The following ESRRB variants were observed in gnomAD, a reference collection of about 807,000 sequenced individuals.
The protein encoded by ESRRB is estrogen related receptor beta.
ESRRB carries 16 observed loss-of-function variants against 46.0 expected under a neutral mutation model. That is an observed-to-expected ratio of 0.35 (90% CI 0.24 to 0.53). The LOEUF (loss-of-function observed/expected upper bound fraction) is 0.53. Ranked by LOEUF, ESRRB falls within the 20% of genes least tolerant of loss-of-function variation. ESRRB has a pLI of 0.93. For synonymous variants in ESRRB, 246 were observed against 259.6 expected (o/e 0.95, Z 0.50); for missense variants, 488 against 607.4 (o/e 0.80, Z 2.07).
chr14:76,333,524 C>T (rs1029125575), intron 1 of ESRRB, among the ~76,000 whole-genome samples: 5 of 138,676 alleles, frequency 3.6e-5, no homozygotes, highest in Non-Finnish European at 7.5e-5. Flanking sequence ...GACAAAGTTT[C>T]GCTGTGTTGC....
intron 1 of ESRRB, among the ~76,000 whole-genome samples, chr14:76,339,495 C>T (rs1389486749): frequency 2.0e-5 from 3 of 152,182 alleles, no homozygotes; most frequent in East Asian, 1.9e-4. Flanking sequence ...TTCCGGGCTC[C>T]ACCTCAGATG....
In ESRRB at chr14:76,321,990, G is replaced by A. The variant is rs370789539; in HGVS notation, c.2+11074G>A. 3.3e-5 allele frequency among the ~76,000 whole-genome samples: 5 copies of A among 152,148 alleles called. No individual in the cohort carries two copies. In the East Asian group the frequency reaches 9.6e-4, roughly 29 times the overall value. Reference sequence around the variant, plus strand: ...CACCCAGGCAGCAAATAGTACCATAGAATGTCACCTTCTACAATAGGCAAC... The same window carrying A: ...CACCCAGGCAGCAAATAGTACCATAAAATGTCACCTTCTACAATAGGCAAC... On this transcript the variant is annotated intron_variant, in intron 1 of 6. Transcript: ENST00000512784.
chr14:76,373,476 T>C (rs907650340), upstream of ESRRB, among the ~76,000 whole-genome samples: 1 of 152,080 alleles, frequency 6.6e-6, no homozygotes, highest in Non-Finnish European at 1.5e-5. Context: ...AGCCTAACCC[T>C]GGCTTTGGGA....
chr14:76,452,649 A>AAAAACAAAAC (rs1888441217), intron 2 of ESRRB, among the ~76,000 whole-genome samples: 2 of 88,414 alleles, frequency 2.3e-5, no homozygotes, highest in South Asian at 5.9e-4. Context: ...AAAACAAAAC[A>AAAAACAAAAC]AAACAAAAAA....
At chr14:76,382,621 A>C (rs1885060755) in intron 1 of ESRRB, among the ~76,000 whole-genome samples, 1 of 152,212 alleles carries the variant, frequency 6.6e-6, no homozygotes, top group Non-Finnish European at 1.5e-5. Context: ...AATCAAGGAA[A>C]ATCATACTGG....
At chr14:76,322,827 G>T (rs1336811699) in intron 1 of ESRRB, among the ~76,000 whole-genome samples, 2 of 152,122 alleles carry the variant, frequency 1.3e-5, no homozygotes, top group Non-Finnish European at 2.9e-5. Context: ...TTATCTCCAC[G>T]CAATCCGCCC....
At chr14:76,438,617 T>C (rs1259050910) in intron 1 of ESRRB, among the ~76,000 whole-genome samples, 2 of 151,794 alleles carry the variant, frequency 1.3e-5, no homozygotes, top group African/African-American at 4.8e-5. Flanking sequence ...TAAGCCGAGA[T>C]TGGGCCATTG....
chr14:76,434,304 C>G (rs1046890078), intron 1 of ESRRB, among the ~76,000 whole-genome samples: 1 of 152,162 alleles, frequency 6.6e-6, no homozygotes, highest in Admixed American at 6.5e-5. Context: ...AGCACTGTGC[C>G]TCTCTCCCCC....
intron 1 of ESRRB, among the ~76,000 whole-genome samples, chr14:76,377,140 G>A (rs1884803916): frequency 6.6e-6 from 1 of 152,212 alleles, no homozygotes; most frequent in Non-Finnish European, 1.5e-5. Flanking sequence ...GCTCCGAGGC[G>A]GCTTTGCGCT....
chr14:76,421,746 C>G (rs1168525420), intron 1 of ESRRB, among the ~76,000 whole-genome samples: 1 of 152,202 alleles, frequency 6.6e-6, no homozygotes, highest in Non-Finnish European at 1.5e-5. Flanking sequence ...GCCGGAATTC[C>G]TGCCTGCCAC....
At chr14:76,383,987 C>G (rs756449886) in intron 1 of ESRRB, among the ~76,000 whole-genome samples, 1 of 152,066 alleles carries the variant, frequency 6.6e-6, no homozygotes, top group Admixed American at 6.6e-5. Context: ...ATTTTTAAAT[C>G]CCTCCCCTCA....
chr14:76,327,311 G>A (rs72729695), intron 1 of ESRRB, among the ~76,000 whole-genome samples: 11,966 of 152,266 alleles, frequency 0.079, 632 homozygotes, highest in East Asian at 0.26. Context: ...TCTCTGACAC[G>A]CCTGGAAACT....
In ESRRB at chr14:76,461,906, C is replaced by T. The variant is rs147051777; in HGVS notation, c.461-639C>T. On this transcript the variant is annotated intron_variant, in intron 2 of 6. Coordinates refer to ENST00000644823, the MANE Select transcript of ESRRB (RefSeq NM_001379180.1). ...AACTCTGCTCATAAAATGACCCCCT[C>T]GCATTGAATAGTGTTTAAAGCAGTT... Among the ~76,000 whole-genome samples, 492 of 152,308 alleles carry T rather than the reference C, an allele frequency of 3.2e-3. 4 individuals are homozygous for T. Among genetic ancestry groups the T allele is most frequent in the African/African-American group, 0.011 (453 of 41,564 alleles).
At position 76,500,144 on chromosome 14, in the gene ESRRB, T is replaced by G. The variant is rs1398973609; in HGVS notation, c.*1686T>G. ...ACCCCAGGAACCTCCCGGCCTGGGC[T>G]TCTGGGCTGGGACGTGCTGAGGTCA... is the stretch of plus-strand genomic sequence containing the variant. On this transcript the variant is annotated 3_prime_UTR_variant, in exon 7 of 7. Transcript: ENST00000644823. 7.7e-7 allele frequency: 1 copy of G among 1,304,650 alleles called. No individual in the cohort carries two copies. Among genetic ancestry groups the G allele is most frequent in the African/African-American group, 1.5e-5 (1 of 67,876 alleles). The allele number at this position is 1,304,650 out of a possible 1,614,324, so 80.8% of individuals were successfully genotyped here. A position where few individuals can be genotyped will look rare whatever the true frequency, so the allele number is the denominator to read the frequency against.
chr14:76,346,795 G>A (rs763253299), intron 1 of ESRRB, among the ~76,000 whole-genome samples: 12 of 152,202 alleles, frequency 7.9e-5, no homozygotes, highest in African/African-American at 2.7e-4. Flanking sequence ...GTGTGCCCAG[G>A]ATCCACCAGG....
In ESRRB at chr14:76,323,717, G is replaced by T. The variant is rs1316559476; in HGVS notation, c.2+12801G>T. On this transcript the variant is annotated intron_variant, in intron 1 of 6. Coordinates refer to the ESRRB transcript ENST00000512784. ...GATAGAGGCCCCTGGGTTCTCAGCT[G>T]CAGGGTGACAGCATATTAGGGTGAA... Among the ~76,000 whole-genome samples the T allele has an allele frequency of 3.9e-5, 6 of 152,218 alleles. 1 individual carries two copies. Among genetic ancestry groups the T allele is most frequent in the Non-Finnish European group, 8.8e-5 (6 of 68,034 alleles).
intron 1 of ESRRB, among the ~76,000 whole-genome samples, chr14:76,314,745 G>A (rs1394185148): frequency 6.6e-6 from 1 of 152,184 alleles, no homozygotes; most frequent in East Asian, 1.9e-4. Context: ...GTCGAGCAAT[G>A]TCAAGGCCAA....
chr14:76,322,145 C>T lies in ESRRB; in HGVS notation c.2+11229C>T, dbSNP rs114375367. On this transcript the variant is annotated intron_variant, in intron 1 of 6. Coordinates refer to the ESRRB transcript ENST00000512784. The stretch of plus-strand genomic sequence containing the variant: ...TTCTTTAAAAAGGTTTGAGAGTCCC[C>T]CTTCACAGACCCATGTGAAAGAGAG... 9.2e-3 allele frequency among the ~76,000 whole-genome samples: 1,395 copies of T among 152,244 alleles called. 22 individuals carry two copies. The highest frequency in any genetic ancestry group is 0.032 in the African/African-American group (1,325 of 41,526).
intron 1 of ESRRB, among the ~76,000 whole-genome samples, chr14:76,438,133 AG>A (rs1887754041): frequency 6.6e-6 from 1 of 151,960 alleles, no homozygotes; most frequent in South Asian, 2.1e-4. Context: ...TGAGAGAGGG[AG>A]GGTTTGGGAG....
Sources: gnomAD v4.1 joint callset for allele counts (sites outside exome capture counted in the v4.1 genomes callset) on GRCh38, gnomAD v4.1.1 for gene constraint, MANE v1.5 for transcripts, NCBI Gene and HGNC (gene_info 2026-07-23, HGNC 2026-07-21) for gene names.